SMIM7: variants seen among roughly 807,000 people sequenced by gnomAD.
SMIM7 encodes the protein UPF0608 protein C19orf42.
Under a neutral mutation model 13.3 loss-of-function variants are expected in SMIM7, and 12 were observed. The observed-to-expected ratio is 0.90, with a 90% confidence interval of 0.58 to 1.46. The LOEUF (loss-of-function observed/expected upper bound fraction) is 1.46, where lower values mean the gene tolerates loss of function less well. Among genes scored for constraint, SMIM7 ranks in the 40% most tolerant of loss-of-function variants. The pLI is 0.00. For missense variants in SMIM7, 114 were observed against 94.8 expected (o/e 1.20, Z -0.84); for synonymous variants, 36 against 35.8 (o/e 1.01, Z -0.02).
At chr19:16,659,284 A>C (rs1240667127) in intron 3 of SMIM7, 111 bp downstream of exon 3, 3 of 190,638 alleles carry the variant, frequency 1.6e-5, no homozygotes, top group East Asian at 3.1e-4. Context: ...CCTTGTGTCA[A>C]AAAAAAAAAA....
At chr19:16,636,317 C>G (rs1049021918) in intron 4 of SMIM7, 2 of 152,158 alleles carry the variant, frequency 1.3e-5, no homozygotes, top group Admixed American at 1.3e-4. Context: ...CACATTGATG[C>G]TAGCCTACAG....
intron 4 of SMIM7, chr19:16,652,675 C>T (rs1248659639): frequency 5.0e-6 from 7 of 1,399,982 alleles, no homozygotes; most frequent in Non-Finnish European, 6.5e-6. Flanking sequence ...CTCCCCAGAT[C>T]TCCTATGTCC....
At chr19:16,649,590 T>C (rs1053149900) in intron 4 of SMIM7, among the ~76,000 whole-genome samples, 1 of 152,068 alleles carries the variant, frequency 6.6e-6, no homozygotes. Flanking sequence ...AAGAAAATTA[T>C]AAACGTAGTG....
At chr19:16,659,297 AAAAAAAAGAGAAAG>A (rs2086638750) in intron 3 of SMIM7, 84 bp downstream of exon 3, 1 of 1,118,342 alleles carries the variant, frequency 8.9e-7, no homozygotes, top group Admixed American at 2.5e-5. Flanking sequence ...AAAAAAAAAA[AAAAAAAAGAGAAAG>A]AAAGAAAACG....
chr19:16,658,056 C>T lies in SMIM7; in HGVS notation c.121+1339G>A, dbSNP rs185939177. Among the ~76,000 whole-genome samples, 49 of 152,232 alleles carry T rather than the reference C, an allele frequency of 3.2e-4. No individual in the cohort carries two copies. In the East Asian group the frequency reaches 8.5e-3, roughly 26 times the overall value. ...TCTCTAAAAGAAGAAAACCTCTGTT[C>T]CTCAGGGTTCCCCCATCCTTGGGCA... On this transcript the variant is annotated intron_variant, in intron 3 of 4. Coordinates refer to ENST00000487416, the MANE Select transcript of SMIM7 (RefSeq NM_024104.4).
At chr19:16,647,338 A>G in intron 4 of SMIM7, 77 bp from the exon 5 acceptor site, 10 of 1,530,138 alleles carry the variant, frequency 6.5e-6, no homozygotes, top group Non-Finnish European at 9.0e-6. Context: ...CGATTATTTT[A>G]CATGACTATT....
intron 4 of SMIM7, among the ~76,000 whole-genome samples, chr19:16,631,888 T>C (rs113249318): frequency 3.0e-5 from 2 of 66,062 alleles, no homozygotes; most frequent in African/African-American, 5.5e-4. Context: ...TTTTTTTTTT[T>C]TCGAGAGAGT....
At chr19:16,657,860 T>C (rs2086616580) in intron 3 of SMIM7, among the ~76,000 whole-genome samples, 1 of 152,156 alleles carries the variant, frequency 6.6e-6, no homozygotes, top group Non-Finnish European at 1.5e-5. Context: ...GCGAGATACC[T>C]ATCTCTACAA....
At chr19:16,651,317 A>G (rs73518915) in intron 4 of SMIM7, among the ~76,000 whole-genome samples, 7,878 of 152,274 alleles carry the variant, frequency 0.052, 556 homozygotes, top group African/African-American at 0.16. Context: ...ACACAGAAGC[A>G]GCCACACACA....
intron 4 of SMIM7, chr19:16,652,710 C>T (rs751960948): frequency 2.2e-5 from 32 of 1,435,440 alleles, no homozygotes; most frequent in East Asian, 1.5e-4. Context: ...CAAACAGCCA[C>T]TGGGGTGGCA....
In SMIM7 at chr19:16,647,142, A is replaced by G; in HGVS notation, c.*104T>C. ...CACCACGAGCTTGGACTTTCTGGGAAGGTTGTCGGTTTTCTGGTCAAAAAC... is the reference window on the plus strand; with the variant it reads ...CACCACGAGCTTGGACTTTCTGGGAGGGTTGTCGGTTTTCTGGTCAAAAAC... On this transcript the variant is annotated 3_prime_UTR_variant, in exon 5 of 5. Coordinates refer to ENST00000487416, the MANE Select transcript of SMIM7 (RefSeq NM_024104.4). 1.3e-6 allele frequency: 2 copies of G among 1,484,572 alleles called. No individual in the cohort carries two copies. The highest frequency in any genetic ancestry group is 1.9e-6 in the Non-Finnish European group (2 of 1,068,884). The allele number at this position is 1,484,572 out of a possible 1,614,324, so 92.0% of individuals were successfully genotyped here.
At chr19:16,659,045 GAGGCCA>G (rs1206891656) in intron 3 of SMIM7, 1 of 323,622 alleles carries the variant, frequency 3.1e-6, no homozygotes, top group African/African-American at 2.1e-5. Flanking sequence ...AGCTCTTCGG[GAGGCCA>G]AGGCAGGGAT....
intron 4 of SMIM7, among the ~76,000 whole-genome samples, chr19:16,631,880 T>A (rs1352665591): frequency 3.3e-5 from 5 of 151,354 alleles, no homozygotes; most frequent in Non-Finnish European, 3.0e-5. Context: ...AATTTTTTTT[T>A]TTTTTTTTTC....
intron 4 of SMIM7, among the ~76,000 whole-genome samples, chr19:16,653,340 T>C (rs1054869874): frequency 2.0e-5 from 3 of 152,146 alleles, no homozygotes; most frequent in Non-Finnish European, 2.9e-5. Context: ...CTCAGCACTT[T>C]GGGAGGCCGA....
In SMIM7 at chr19:16,650,700, ACT is replaced by A. The variant is rs1238087894; in HGVS notation, c.212+3333_212+3334del. The stretch of plus-strand genomic sequence containing the variant: ...ACTCCAGTCTGGGTGACAGAGCAAG[ACT>A]CCACCTCAAAAAAAAAAAAAAAAAG... On this transcript the variant is annotated intron_variant, in intron 4 of 4. Transcript: ENST00000487416. Among the ~76,000 whole-genome samples, 4 of 140,912 alleles carry A rather than the reference ACT, an allele frequency of 2.8e-5. No homozygotes were observed. The East Asian group carries it at 8.1e-4, about 29-fold the overall frequency. 92.4% of individuals were successfully genotyped at this position (140,912 alleles called of 152,430 possible).
chr19:16,644,157 G>T (rs895286066), downstream of SMIM7, among the ~76,000 whole-genome samples: 1 of 121,196 alleles, frequency 8.3e-6, no homozygotes, highest in Non-Finnish European at 1.6e-5. Flanking sequence ...TGTTTTGCTC[G>T]TCGCCTAGGC....
At chr19:16,643,972 C>G (rs2122505839), downstream of SMIM7, 1 of 152,238 alleles carries the variant, frequency 6.6e-6, no homozygotes, top group South Asian at 2.1e-4. Context: ...AGCAACAAAG[C>G]AAGTGTAAAG....
chr19:16,635,899 A>AAAAAAAAAAAAAAAATATAT (rs1200181092), intron 4 of SMIM7, among the ~76,000 whole-genome samples: 2 of 109,600 alleles, frequency 1.8e-5, no homozygotes, highest in African/African-American at 8.7e-5. Context: ...AAAAAAAAAA[A>AAAAAAAAAAAAAAAATATAT]ATATATATAT....
intron 3 of SMIM7, among the ~76,000 whole-genome samples, chr19:16,656,187 A>G (rs1245320105): frequency 6.6e-6 from 1 of 152,098 alleles, no homozygotes; most frequent in Non-Finnish European, 1.5e-5. Context: ...CGAGTTTGAG[A>G]TCAGCCTGGC....
Sources: gnomAD v4.1 joint callset for allele counts (sites outside exome capture counted in the v4.1 genomes callset) on GRCh38, gnomAD v4.1.1 for gene constraint, MANE v1.5 for transcripts, NCBI Gene and HGNC (gene_info 2026-07-23, HGNC 2026-07-21) for gene names.